Variants in PCDHGB7 observed in about 807,000 individuals in gnomAD.
The protein encoded by PCDHGB7 is protocadherin gamma subfamily B, 7, also known as protocadherin gamma-B7.
PCDHGB7 carries 37 observed loss-of-function variants against 61.4 expected under a neutral mutation model. The ratio of observed to expected loss-of-function variants is 0.60; its 90% CI spans 0.46 to 0.79. The LOEUF (loss-of-function observed/expected upper bound fraction) is 0.79. Ranked by LOEUF, PCDHGB7 falls within the 30% of genes least tolerant of loss-of-function variation. The probability of loss-of-function intolerance (pLI) is 0.00; values close to 1 mark genes in which losing one functional copy is unlikely to be tolerated. For missense variants in PCDHGB7, 1,166 were observed against 1,202.5 expected, an observed-to-expected ratio of 0.97 and a Z score of 0.45; for synonymous variants, 464 against 503.5, an observed-to-expected ratio of 0.92 and a Z score of 1.05.
rs1005709757 is a variant in PCDHGB7 at position 141,495,051 on chromosome 5, A to G, written c.2474+186A>G. Among the ~76,000 whole-genome samples, 3 of 152,042 alleles carry G rather than the reference A, an allele frequency of 2.0e-5. No homozygotes were observed. In the East Asian group the frequency reaches 5.8e-4, roughly 29 times the overall value. On this transcript the variant is annotated intron_variant, in intron 2 of 3. Transcript: ENST00000398594. ...CCGGAAGGAAGAGGCGACTGCCCTG[A>G]CTGTTCAGGAAGCTCAATTCACATG... is the stretch of plus-strand genomic sequence containing the variant.
rs777058727 is a variant in PCDHGB7 at position 141,431,947 on chromosome 5, A to G, written c.2415+11673A>G. 6 of 1,614,052 alleles carry G rather than the reference A, an allele frequency of 3.7e-6. No homozygotes were observed. The highest frequency in any genetic ancestry group is 2.2e-5 in the East Asian group (1 of 44,894). ...GAAATCTGCCCTTTAAATTAGAAAAATCTTACGGAAATTACTATAGTTTAG... is the reference window on the plus strand; with the variant it reads ...GAAATCTGCCCTTTAAATTAGAAAAGTCTTACGGAAATTACTATAGTTTAG... On this transcript the variant is annotated intron_variant, in intron 1 of 3. Transcript: ENST00000398594. This position sits in a 1 kb window ranked among gnomAD's most constrained non-coding sequence, Gnocchi z 4.8.
intron 1 of PCDHGB7, chr5:141,427,780 TGTCGTCCTAC>T (rs892399327): frequency 8.9e-6 from 13 of 1,455,886 alleles, no homozygotes; most frequent in Middle Eastern, 1.7e-4. Context: ...CTGCGGGCAC[TGTCGTCCTAC>T]GTGTCCGTGA....
intron 1 of PCDHGB7, among the ~76,000 whole-genome samples, chr5:141,460,983 GTA>G (rs59296681): frequency 1.2e-4 from 16 of 137,836 alleles, no homozygotes; most frequent in East Asian, 2.1e-4. Context: ...GTGTGTGTGT[GTA>G]TATATATATA....
At chr5:141,421,030 G>C (rs989158485) in intron 1 of PCDHGB7, 2 of 532,352 alleles carry the variant, frequency 3.8e-6, no homozygotes, top group African/African-American at 3.9e-5. Context: ...GCGCCATTGA[G>C]TCCCTCCCTC....
chr5:141,478,560 A>G, intron 1 of PCDHGB7: 1 of 1,598,736 alleles, frequency 6.3e-7, no homozygotes, highest in Non-Finnish European at 8.5e-7. Flanking sequence ...AGGTTTAGCA[A>G]GTCATGCTTG....
intron 1 of PCDHGB7, chr5:141,478,509 G>A: frequency 1.2e-6 from 2 of 1,611,878 alleles, no homozygotes; most frequent in South Asian, 1.1e-5. Flanking sequence ...GTGTTCTATA[G>A]GCAGGTGTTG....
intron 1 of PCDHGB7, among the ~76,000 whole-genome samples, chr5:141,463,346 C>G (rs963070531): frequency 6.7e-6 from 1 of 150,312 alleles, no homozygotes; most frequent in Non-Finnish European, 1.5e-5. Context: ...TGGTGTTATT[C>G]TTGGATTTCC....
Position 141,491,075 on chromosome 5 carries a change from A to G in PCDHGB7, c.2416-3732A>G, listed in dbSNP as rs147291399. ...TGGCTCTCCTACTCACTGTTGCCAC[A>G]GTCCACAGCCCCAGGACTGTTCCTC... is the stretch of plus-strand genomic sequence containing the variant. On this transcript the variant is annotated intron_variant, in intron 1 of 3. Coordinates refer to ENST00000398594, the MANE Select transcript of PCDHGB7 (RefSeq NM_018927.4). This position sits in a 1 kb window ranked among gnomAD's most constrained non-coding sequence, Gnocchi z 6.9. 1.2e-6 allele frequency: 2 copies of G among 1,614,080 alleles called. No individual in the cohort carries two copies. Among genetic ancestry groups the G allele is most frequent in the Non-Finnish European group, 8.5e-7 (1 of 1,180,042 alleles).
At chr5:141,437,986 C>T (rs2097921856) in intron 1 of PCDHGB7, among the ~76,000 whole-genome samples, 1 of 152,096 alleles carries the variant, frequency 6.6e-6, no homozygotes, top group African/African-American at 2.4e-5. Context: ...TGCACCCACC[C>T]CACCTCAGCC....
At chr5:141,482,602 C>T (rs2099569087) in intron 1 of PCDHGB7, among the ~76,000 whole-genome samples, 1 of 142,506 alleles carries the variant, frequency 7.0e-6, no homozygotes, top group Non-Finnish European at 1.5e-5. Flanking sequence ...CGGGAAAAAA[C>T]ACCTAAATGA....
rs768206517 is a variant in PCDHGB7 at position 141,432,482 on chromosome 5, G to C, written c.2415+12208G>C. 6.2e-7 allele frequency: 1 copy of C among 1,614,178 alleles called. No individual in the cohort carries two copies. Among genetic ancestry groups the C allele is most frequent in the South Asian group, 1.1e-5 (1 of 91,074 alleles). ...CCTCCCCACGGACGGTTCCACTGGC[G>C]TGGAGCTGGCTCCCCGCTCCGCAGA... On this transcript the variant is annotated intron_variant, in intron 1 of 3. Coordinates refer to ENST00000398594, the MANE Select transcript of PCDHGB7 (RefSeq NM_018927.4). The surrounding 1 kb of genome is among the most constrained non-coding windows in gnomAD (Gnocchi z 6.0).
At chr5:141,463,165 C>G (rs1042153238) in intron 1 of PCDHGB7, among the ~76,000 whole-genome samples, 1 of 152,148 alleles carries the variant, frequency 6.6e-6, no homozygotes, top group Non-Finnish European at 1.5e-5. Context: ...TCAGTGCACT[C>G]TATGTATGCT....
chr5:141,454,628 AC>A (rs1272822911), intron 1 of PCDHGB7, among the ~76,000 whole-genome samples: 2 of 151,334 alleles, frequency 1.3e-5, no homozygotes, highest in Non-Finnish European at 2.9e-5. Context: ...CTGGTCTCGA[AC>A]CCCCAACCTC....
At chr5:141,422,747 C>T (rs1381295469) in intron 1 of PCDHGB7, 2 of 1,611,224 alleles carry the variant, frequency 1.2e-6, no homozygotes, top group Non-Finnish European at 1.7e-6. Context: ...TCCTATGTCT[C>T]TATTAACTCC....
At chr5:141,484,876 A>C in intron 1 of PCDHGB7, 1 of 315,240 alleles carries the variant, frequency 3.2e-6, no homozygotes, top group Non-Finnish European at 5.8e-6. Flanking sequence ...CGTGGAGGAT[A>C]GGGTGGGCTT....
chr5:141,431,498 T>C lies in PCDHGB7; in HGVS notation c.2415+11224T>C, dbSNP rs1274311782. On this transcript the variant is annotated intron_variant, in intron 1 of 3. Coordinates refer to ENST00000398594, the MANE Select transcript of PCDHGB7 (RefSeq NM_018927.4). The surrounding 1 kb of genome is among the most constrained non-coding windows in gnomAD (Gnocchi z 4.8). ...CGCACCAGCGTTTGCTCAGCCCGAG[T>C]ACCGCGCGAGCGTTCCGGAGAATCT... The C allele has an allele frequency of 6.2e-7, 1 of 1,613,992 alleles. No homozygotes were observed. Among genetic ancestry groups the C allele is most frequent in the Non-Finnish European group, 8.5e-7 (1 of 1,180,034 alleles).
rs2096651086 is a variant in PCDHGB7 at position 141,422,486 on chromosome 5, A to G, written c.2415+2212A>G. Reference sequence around the variant, plus strand: ...GACAGGGAGTTGGTCCAGAGCTACAATATAACGTTGACAGCCACAGACCAG... The same window carrying G: ...GACAGGGAGTTGGTCCAGAGCTACAGTATAACGTTGACAGCCACAGACCAG... On this transcript the variant is annotated intron_variant, in intron 1 of 3. Coordinates refer to ENST00000398594, the MANE Select transcript of PCDHGB7 (RefSeq NM_018927.4). The G allele has an allele frequency of 1.2e-6, 2 of 1,613,852 alleles. No individual in the cohort carries two copies. The highest frequency in any genetic ancestry group is 1.3e-5 in the African/African-American group (1 of 74,924).
At chr5:141,494,763 C>T in intron 1 of PCDHGB7, 44 bp from the exon 2 acceptor site, 4 of 1,613,926 alleles carry the variant, frequency 2.5e-6, no homozygotes, top group Admixed American at 1.7e-5. Context: ...GACATTCTAA[C>T]TTCTCACGGG....
intron 1 of PCDHGB7, among the ~76,000 whole-genome samples, chr5:141,446,746 C>T (rs1413869259): frequency 6.6e-6 from 1 of 152,170 alleles, no homozygotes; most frequent in Non-Finnish European, 1.5e-5. Context: ...GGATTACAGG[C>T]GTGAGCCACC....
Sources: gnomAD v4.1 joint callset for allele counts (sites outside exome capture counted in the v4.1 genomes callset) on GRCh38, gnomAD v4.1.1 for gene constraint, Gnocchi (gnomAD v3.1) non-coding constraint, MANE v1.5 for transcripts, NCBI Gene and HGNC (gene_info 2026-07-23, HGNC 2026-07-21) for gene names.